ACTR2: variants seen among roughly 807,000 people sequenced by gnomAD.
The protein encoded by ACTR2 is actin-related protein 2.
Under a neutral mutation model 50.2 loss-of-function variants are expected in ACTR2, and 5 were observed. The ratio of observed to expected loss-of-function variants is 0.10; its 90% confidence interval spans 0.05 to 0.21. ACTR2 has a LOEUF of 0.21. ACTR2 is among the 10% of genes least tolerant of loss of function. ACTR2 has a pLI of 1.00. For synonymous variants in ACTR2, 140 were observed against 162.9 expected (o/e 0.86, Z 1.07); for missense variants, 180 against 480.6 (o/e 0.37, Z 5.85).
At chr2:65,245,273 A>G (rs1671914790) in intron 2 of ACTR2, among the ~76,000 whole-genome samples, 1 of 151,808 alleles carries the variant, frequency 6.6e-6, no homozygotes, top group East Asian at 1.9e-4. Flanking sequence ...TAATCCCAAC[A>G]CTTTGGGAGG....
chr2:65,235,482 T>G (rs1671722260), intron 1 of ACTR2, among the ~76,000 whole-genome samples: 1 of 152,134 alleles, frequency 6.6e-6, no homozygotes, highest in Non-Finnish European at 1.5e-5. Context: ...CCAGGCTGGG[T>G]GCCGTGGCTC....
intron 1 of ACTR2, among the ~76,000 whole-genome samples, chr2:65,228,825 T>C (rs1671581344): frequency 6.6e-6 from 1 of 152,218 alleles, no homozygotes; most frequent in African/African-American, 2.4e-5. Context: ...GTTTCTGTAA[T>C]CCCAGCACTT....
chr2:65,251,615 C>A (rs1034437182), intron 4 of ACTR2, among the ~76,000 whole-genome samples: 3 of 152,328 alleles, frequency 2.0e-5, no homozygotes, highest in African/African-American at 7.2e-5. Context: ...CCCGCCTCAG[C>A]CTCCTGAAGT....
At chr2:65,236,455 C>T (rs1671740772) in intron 1 of ACTR2, among the ~76,000 whole-genome samples, 1 of 151,990 alleles carries the variant, frequency 6.6e-6, no homozygotes, top group Non-Finnish European at 1.5e-5. Flanking sequence ...TTTGAAAATA[C>T]CAAATTTTTA....
chr2:65,235,189 T>TGC lies in ACTR2; in HGVS notation c.49-4662_49-4661dup, dbSNP rs1553406574. On this transcript the variant is annotated intron_variant, in intron 1 of 8. Transcript: ENST00000260641. ...TGAGAGGTGTGTGTGTGTGTGTGTG[T>TGC]GCACGTGGTGTGTGTGTTATGTTTT... 4.0e-5 allele frequency among the ~76,000 whole-genome samples: 6 copies of TGC among 149,890 alleles called. No homozygotes were observed. In the South Asian group the frequency reaches 1.0e-3, roughly 26 times the overall value.
At chr2:65,237,341 C>T (rs1223631542) in intron 1 of ACTR2, among the ~76,000 whole-genome samples, 1 of 152,064 alleles carries the variant, frequency 6.6e-6, no homozygotes, top group East Asian at 1.9e-4. Flanking sequence ...TCAAGTGATC[C>T]TCCCACCTCA....
At chr2:65,252,362 C>T (rs572064242) in intron 4 of ACTR2, among the ~76,000 whole-genome samples, 12 of 151,924 alleles carry the variant, frequency 7.9e-5, no homozygotes, top group Non-Finnish European at 1.5e-4. Flanking sequence ...AGTTTTAGGC[C>T]GGGTGTGGTG....
At chr2:65,240,494 C>T (rs1184153856) in intron 2 of ACTR2, among the ~76,000 whole-genome samples, 1 of 152,024 alleles carries the variant, frequency 6.6e-6, no homozygotes, top group Non-Finnish European at 1.5e-5. Flanking sequence ...GCCATTCAAG[C>T]CTTTATTTGG....
At chr2:65,241,933 C>G in intron 2 of ACTR2, 1 of 1,381,814 alleles carries the variant, frequency 7.2e-7, no homozygotes, top group East Asian at 2.3e-5. Context: ...CTGACCTCAA[C>G]CTAATTGTCT....
intron 6 of ACTR2, among the ~76,000 whole-genome samples, chr2:65,256,568 T>A (rs576016510): frequency 6.6e-6 from 1 of 152,338 alleles, no homozygotes; most frequent in East Asian, 1.9e-4. Flanking sequence ...ATTTTTAAAG[T>A]AATTATAAAA....
intron 6 of ACTR2, among the ~76,000 whole-genome samples, chr2:65,259,103 G>T (rs952543743): frequency 6.6e-6 from 1 of 151,950 alleles, no homozygotes; most frequent in Non-Finnish European, 1.5e-5. Context: ...CTCCTAGGTA[G>T]CTGGGACCAA....
intron 6 of ACTR2, 45 bp downstream of exon 6, chr2:65,255,739 A>G (rs750090422): frequency 6.6e-7 from 1 of 1,522,120 alleles, no homozygotes; most frequent in African/African-American, 1.4e-5. Context: ...TAAAGTGGAC[A>G]GCCATGATTA....
intron 1 of ACTR2, among the ~76,000 whole-genome samples, chr2:65,233,233 G>A (rs1671673469): frequency 6.6e-6 from 1 of 151,976 alleles, no homozygotes; most frequent in African/African-American, 2.4e-5. Flanking sequence ...GACGTCAGGT[G>A]ATCTGCCTGC....
intron 2 of ACTR2, chr2:65,242,121 AGTT>A (rs1360272001): frequency 3.0e-6 from 4 of 1,316,218 alleles, no homozygotes; most frequent in Middle Eastern, 1.8e-4. Flanking sequence ...ATGGGACAGT[AGTT>A]GTTGTTTTGT....
intron 1 of ACTR2, among the ~76,000 whole-genome samples, chr2:65,231,668 T>C (rs1671639347): frequency 6.6e-6 from 1 of 152,072 alleles, no homozygotes; most frequent in Non-Finnish European, 1.5e-5. Context: ...AGACCCCATA[T>C]CTAGTAAAAA....
intron 3 of ACTR2, among the ~76,000 whole-genome samples, chr2:65,248,735 C>T (rs1255393723): frequency 6.6e-6 from 1 of 152,026 alleles, no homozygotes; most frequent in Non-Finnish European, 1.5e-5. Flanking sequence ...AGATTGAAAA[C>T]GTTATTGAGG....
At chr2:65,267,101 T>C (rs1039994490) in intron 8 of ACTR2, among the ~76,000 whole-genome samples, 5 of 152,328 alleles carry the variant, frequency 3.3e-5, no homozygotes, top group Admixed American at 1.3e-4. Context: ...ACAGAAGCAG[T>C]GTCTTCAGGG....
intron 6 of ACTR2, among the ~76,000 whole-genome samples, chr2:65,257,563 C>A (rs1490743131): frequency 6.6e-6 from 1 of 152,216 alleles, no homozygotes; most frequent in Non-Finnish European, 1.5e-5. Context: ...TACACTCCCA[C>A]CAACAGTGTA....
At chr2:65,256,269 C>T (rs1344127596) in intron 6 of ACTR2, among the ~76,000 whole-genome samples, 1 of 152,122 alleles carries the variant, frequency 6.6e-6, no homozygotes, top group South Asian at 2.1e-4. Context: ...GGCAGCCTTT[C>T]CTGACTTAAT....
Sources: allele counts gnomAD v4.1 joint callset (sites outside exome capture counted in the v4.1 genomes callset), GRCh38; gene constraint gnomAD v4.1.1; transcripts MANE v1.5; gene names NCBI Gene and HGNC (gene_info 2026-07-23, HGNC 2026-07-21).